The following NDUFV3 variants were observed in gnomAD, a reference collection of about 807,000 sequenced individuals.
The protein encoded by NDUFV3 is NADH dehydrogenase [ubiquinone] flavoprotein 3, mitochondrial.
A neutral mutation model predicts 37.5 loss-of-function variants in NDUFV3; 44 were observed. That is an observed-to-expected ratio of 1.17 (90% CI 0.92 to 1.51). NDUFV3 has a LOEUF of 1.51. NDUFV3 is among the 40% of genes most tolerant of loss of function. The pLI, the probability that NDUFV3 is intolerant of heterozygous loss-of-function variation, is 0.00. For missense variants in NDUFV3, 580 were observed against 580.4 expected, an observed-to-expected ratio of 1.00 and a Z score of 0.01; for synonymous variants, 235 against 239.3, an observed-to-expected ratio of 0.98 and a Z score of 0.17.
At chr21:42,899,277 G>GTTTTTTTTTTTTTTTTTTTTTTT (rs370812043) in intron 2 of NDUFV3, among the ~76,000 whole-genome samples, 3 of 141,124 alleles carry the variant, frequency 2.1e-5, no homozygotes, top group Admixed American at 7.0e-5. Flanking sequence ...GTTGTATCTT[G>GTTTTTTTTTTTTTTTTTTTTTTT]TTTTTTTTTG....
rs67630972 is a variant in NDUFV3, at chr21:42,894,304, C to A, written c.48+923C>A. Among the ~76,000 whole-genome samples the A allele has an allele frequency of 3.9e-5, 2 of 50,652 alleles. 1 individual carries two copies. Among genetic ancestry groups the A allele is most frequent in the South Asian group, 1.2e-3 (2 of 1,734 alleles). The allele number at this position is 50,652 out of a possible 152,430, so 33.2% of individuals were successfully genotyped here. A position where few individuals can be genotyped will look rare whatever the true frequency, so the allele number is the denominator to read the frequency against. ...AACTATTCCCTGCAGAATATATATG[C>A]GTGTGTGTATATATATATATAAATA... On this transcript the variant is annotated intron_variant, in intron 1 of 3. Transcript: ENST00000354250.
chr21:42,910,226 G>GTA lies in NDUFV3; in HGVS notation c.*1205_*1206insTA. ...TGTAATCCCAGCTACTCAGGAAGCT[G>GTA]AGGCAGGAGAATCATTTGAACCTGG... is the stretch of plus-strand genomic sequence containing the variant. On this transcript the variant is annotated 3_prime_UTR_variant, in exon 4 of 4. Transcript: ENST00000354250. 6.6e-6 allele frequency: 1 copy of GTA among 152,302 alleles called. No homozygotes were observed. The highest frequency in any genetic ancestry group is 1.5e-5 in the Non-Finnish European group (1 of 68,086). 9.4% of individuals were successfully genotyped at this position (152,302 alleles called of 1,614,324 possible). A position where few individuals can be genotyped will look rare whatever the true frequency, so the allele number is the denominator to read the frequency against.
At chr21:42,903,065 G>C (rs2058723611) in intron 2 of NDUFV3, 117 bp from the exon 3 acceptor site, 2 of 1,380,994 alleles carry the variant, frequency 1.4e-6, no homozygotes, top group Non-Finnish European at 2.0e-6. Context: ...ACCTGTCTTA[G>C]GATGATTGCA....
In NDUFV3 at chr21:42,912,473, T is replaced by C. The variant is rs7278812; in HGVS notation, c.*3452T>C. 98,262 of 152,220 alleles carry C rather than the reference T, an allele frequency of 0.65. 33,411 individuals are homozygous for C. Among genetic ancestry groups the C allele is most frequent in the African/African-American group, 0.86 (35,531 of 41,510 alleles). The allele number at this position is 152,220 out of a possible 1,614,324, so 9.4% of individuals were successfully genotyped here. ...GTCTATGTGATTTCCCACGTTCTGT[T>C]GGAGGCCGGGCGCAGTGCCTCACGC... On this transcript the variant is annotated 3_prime_UTR_variant, in exon 4 of 4. Coordinates refer to ENST00000354250, the MANE Select transcript of NDUFV3 (RefSeq NM_021075.4).
In NDUFV3 at chr21:42,903,676, G is replaced by T; in HGVS notation, c.664G>T (p.Glu222Ter). 6.2e-7 allele frequency: 1 copy of T among 1,614,110 alleles called. No homozygotes were observed. The highest frequency in any genetic ancestry group is 1.1e-5 in the South Asian group (1 of 91,080). ...GCCGCATGTGGACATTACTGATCCA[G>T]AGAAGCCCCACCAGCCAAAGAAGAA... is the stretch of plus-strand genomic sequence containing the variant. Reference protein sequence around the residue: ...QKPHVDITDPEKPHQPKKKGS... With the variant: ...QKPHVDITDP The change falls in exon 3 of 4, where the codon GAG becomes TAG. Residue 222 changes from glutamate to a stop codon, truncating the protein, a stop_gained. Coordinates refer to ENST00000354250, the MANE Select transcript of NDUFV3 (RefSeq NM_021075.4). LOFTEE classifies it high-confidence loss of function.
chr21:42,911,812 T>C lies in NDUFV3; in HGVS notation c.*2791T>C, dbSNP rs1396415368. On this transcript the variant is annotated 3_prime_UTR_variant, in exon 4 of 4. Transcript: ENST00000354250. ...CATTTTTTGGTTTTTCATTTAATAG[T>C]TCTCAAGCTGGGATCCGTGGAACTA... 6.6e-6 allele frequency: 1 copy of C among 152,176 alleles called. No individual in the cohort carries two copies. The highest frequency in any genetic ancestry group is 2.4e-5 in the African/African-American group (1 of 41,436). The allele number at this position is 152,176 out of a possible 1,614,324, so 9.4% of individuals were successfully genotyped here. A position where few individuals can be genotyped will look rare whatever the true frequency, so the allele number is the denominator to read the frequency against.
In NDUFV3 at chr21:42,912,340, A is replaced by G. The variant is rs1237262522; in HGVS notation, c.*3319A>G. 1.3e-5 allele frequency: 2 copies of G among 152,246 alleles called. No homozygotes were observed. The highest frequency in any genetic ancestry group is 3.8e-4 in the East Asian group (2 of 5,200). The allele number at this position is 152,246 out of a possible 1,614,324, so 9.4% of individuals were successfully genotyped here. Reference sequence around the variant, plus strand: ...ACCCATTGGAAGGGCTTAAAACCGAATAGCCAGCACCAAGCACAGCTCTGC... The same window carrying G: ...ACCCATTGGAAGGGCTTAAAACCGAGTAGCCAGCACCAAGCACAGCTCTGC... On this transcript the variant is annotated 3_prime_UTR_variant, in exon 4 of 4. Transcript: ENST00000354250.
In NDUFV3 at chr21:42,912,184, G is replaced by C. The variant is rs2058773702; in HGVS notation, c.*3163G>C. ...GAACCCAGGAGGCAGAGGCTGCAGT[G>C]AGTGGAGATTGCAGCATCGCACTAC... On this transcript the variant is annotated 3_prime_UTR_variant, in exon 4 of 4. Transcript: ENST00000354250. 1 of 152,206 alleles carries C rather than the reference G, an allele frequency of 6.6e-6. No homozygotes were observed. Among genetic ancestry groups the C allele is most frequent in the African/African-American group, 2.4e-5 (1 of 41,436 alleles). 9.4% of individuals were successfully genotyped at this position (152,206 alleles called of 1,614,324 possible).
In NDUFV3 at chr21:42,896,913, A is replaced by C. The variant is rs757115585; in HGVS notation, c.49-14A>C. On this transcript the variant is annotated splice_polypyrimidine_tract_variant and intron_variant, in intron 1 of 3. Transcript: ENST00000354250. ...ATTACTCTAAACATCCATATTCATTAATTCTTTTGTCAGACTATGCTCCAG... is the reference window on the plus strand; with the variant it reads ...ATTACTCTAAACATCCATATTCATTCATTCTTTTGTCAGACTATGCTCCAG... 4 of 1,608,814 alleles carry C rather than the reference A, an allele frequency of 2.5e-6. No homozygotes were observed. The highest frequency in any genetic ancestry group is 3.4e-6 in the Non-Finnish European group (4 of 1,175,446).
At chr21:42,903,039 G>T in intron 2 of NDUFV3, 143 bp from the exon 3 acceptor site, 1 of 1,157,360 alleles carries the variant, frequency 8.6e-7, no homozygotes, top group Non-Finnish European at 1.2e-6. Flanking sequence ...TTGGTTGCTT[G>T]GTGGGTTTCT....
chr21:42,904,218 C>G lies in NDUFV3; in HGVS notation c.1206C>G (p.Ala402=), dbSNP rs149534912. ...AGACAGCAGCGCTGAAGCTTGAGGC[C>G]GAGGGCGAGGCCATGGAAGATGCAG... ...HEKTAALKLE[A]EGEAMEDAAA... is the part of the protein sequence containing the mutation. The change falls in exon 3 of 4, where the codon GCC becomes GCG. Residue 402 remains alanine, a synonymous_variant. Coordinates refer to ENST00000354250, the MANE Select transcript of NDUFV3 (RefSeq NM_021075.4). 6.2e-7 allele frequency: 1 copy of G among 1,613,278 alleles called. No individual in the cohort carries two copies. Among genetic ancestry groups the G allele is most frequent in the Non-Finnish European group, 8.5e-7 (1 of 1,179,714 alleles).
At chr21:42,905,539 G>A (rs1385357889) in intron 3 of NDUFV3, among the ~76,000 whole-genome samples, 1 of 152,118 alleles carries the variant, frequency 6.6e-6, no homozygotes, top group East Asian at 1.9e-4. Flanking sequence ...TTTTTGACAT[G>A]GGTTTTGCTC....
chr21:42,903,137 T>C, intron 2 of NDUFV3, 45 bp from the exon 3 acceptor site: 1 of 1,612,522 alleles, frequency 6.2e-7, no homozygotes, highest in Non-Finnish European at 8.5e-7. Context: ...GACTGAGTTT[T>C]AAGTTGTTTT....
chr21:42,907,223 TATTAGA>T (rs1001080139), intron 3 of NDUFV3, among the ~76,000 whole-genome samples: 7 of 152,208 alleles, frequency 4.6e-5, no homozygotes, highest in Admixed American at 4.6e-4. Flanking sequence ...GTGTTGTTGT[TATTAGA>T]ATTTATCTAA....
chr21:42,910,765 T>C lies in NDUFV3; in HGVS notation c.*1744T>C, dbSNP rs2058767386. ...GTTGCTCCCCGCTGGCCACAGGCAC[T>C]CAATGAGCTATTTTACCTATTTAGG... On this transcript the variant is annotated 3_prime_UTR_variant, in exon 4 of 4. Transcript: ENST00000354250. The C allele has an allele frequency of 6.5e-6, 1 of 154,788 alleles. No individual in the cohort carries two copies. Among genetic ancestry groups the C allele is most frequent in the Non-Finnish European group, 1.4e-5 (1 of 69,284 alleles). The allele number at this position is 154,788 out of a possible 1,614,324, so 9.6% of individuals were successfully genotyped here.
intron 3 of NDUFV3, among the ~76,000 whole-genome samples, 157 bp from the exon 4 acceptor site, chr21:42,908,707 G>A (rs550942193): frequency 6.8e-6 from 1 of 147,846 alleles, no homozygotes; most frequent in Non-Finnish European, 1.5e-5. Context: ...ATGCTTGGTA[G>A]GTAAGCGCCT....
rs1413323989 is a variant in NDUFV3, at chr21:42,894,355, ATATAT to A, written c.48+980_48+984del. 6.5e-4 allele frequency among the ~76,000 whole-genome samples: 27 copies of A among 41,400 alleles called. 4 individuals are homozygous for A. Among genetic ancestry groups the A allele is most frequent in the Non-Finnish European group, 9.1e-4 (24 of 26,316 alleles). 27.2% of individuals were successfully genotyped at this position (41,400 alleles called of 152,430 possible). The stretch of plus-strand genomic sequence containing the variant: ...CATATTATATATATTATATATAAAT[ATATAT>A]TATATATATATTTATATAATATGTA... On this transcript the variant is annotated intron_variant, in intron 1 of 3. Coordinates refer to ENST00000354250, the MANE Select transcript of NDUFV3 (RefSeq NM_021075.4).
intron 1 of NDUFV3, among the ~76,000 whole-genome samples, chr21:42,894,775 A>G (rs754746238): frequency 6.6e-5 from 10 of 151,330 alleles, no homozygotes. Context: ...ATCAGCTTTT[A>G]TATGTTCACA....
At chr21:42,905,273 G>A (rs1041668362) in intron 3 of NDUFV3, among the ~76,000 whole-genome samples, 1 of 152,306 alleles carries the variant, frequency 6.6e-6, no homozygotes, top group South Asian at 2.1e-4. Context: ...ACTTGCATAG[G>A]TGAAGAGCAG....
Sources: allele counts gnomAD v4.1 joint callset (sites outside exome capture counted in the v4.1 genomes callset), GRCh38; gene constraint gnomAD v4.1.1; transcripts MANE v1.5; gene names NCBI Gene and HGNC (gene_info 2026-07-23, HGNC 2026-07-21).